Variants in SNTG1 observed in about 807,000 individuals in gnomAD.
The protein encoded by SNTG1 is gamma-1-syntrophin.
SNTG1 carries 39 observed loss-of-function variants against 74.7 expected under a neutral mutation model. The observed-to-expected ratio is 0.52, with a 90% CI of 0.40 to 0.68. The LOEUF is 0.68. SNTG1 is among the 30% of genes least tolerant of loss of function. SNTG1 has a pLI of 0.00. For missense variants in SNTG1, 685 were observed against 609.5 expected, an observed-to-expected ratio of 1.12 and a Z score of -1.30; for synonymous variants, 254 against 217.1, an observed-to-expected ratio of 1.17 and a Z score of -1.49.
At chr8:49,917,491 G>A (rs1300131533) in intron 1 of SNTG1, among the ~76,000 whole-genome samples, 2 of 152,178 alleles carry the variant, frequency 1.3e-5, no homozygotes, top group African/African-American at 4.8e-5. Context: ...GTCCACTGCA[G>A]TGTGTTGCTG....
intron 1 of SNTG1, among the ~76,000 whole-genome samples, chr8:50,155,410 T>C (rs1403124172): frequency 6.6e-6 from 1 of 151,936 alleles, no homozygotes; most frequent in African/African-American, 2.4e-5. Flanking sequence ...AAAAATTAGC[T>C]AAAAGTGTAT....
chr8:50,377,536 A>T lies in SNTG1; in HGVS notation c.-27-16676A>T, dbSNP rs540820868. On this transcript the variant is annotated intron_variant, in intron 2 of 18. Coordinates refer to ENST00000642720, the MANE Select transcript of SNTG1 (RefSeq NM_018967.5). The stretch of plus-strand genomic sequence containing the variant: ...TGGAAATGTATTCATGAATTTTCAG[A>T]ATTTTTTCTCCTCTAAGTGAAGAAT... 2.6e-5 allele frequency among the ~76,000 whole-genome samples: 4 copies of T among 152,088 alleles called. No individual in the cohort carries two copies. In the South Asian group the frequency reaches 8.3e-4, roughly 32 times the overall value.
At chr8:50,475,048 A>G (rs1250829776) in intron 8 of SNTG1, among the ~76,000 whole-genome samples, 1 of 118,280 alleles carries the variant, frequency 8.5e-6, no homozygotes, top group Non-Finnish European at 1.6e-5. Context: ...GGACACAGGA[A>G]GGGGAACATC....
chr8:49,935,271 C>T (rs970317986), intron 1 of SNTG1, among the ~76,000 whole-genome samples: 6 of 148,092 alleles, frequency 4.1e-5, no homozygotes, highest in Non-Finnish European at 7.4e-5. Flanking sequence ...CTGAATGTTC[C>T]GATGACATCT....
At chr8:50,024,506 C>T (rs1388549452) in intron 1 of SNTG1, among the ~76,000 whole-genome samples, 1 of 152,068 alleles carries the variant, frequency 6.6e-6, no homozygotes, top group Non-Finnish European at 1.5e-5. Flanking sequence ...CATTTTCTGT[C>T]CAAAAGCCAG....
chr8:50,422,285 A>G (rs1204458809), intron 4 of SNTG1, among the ~76,000 whole-genome samples: 1 of 146,628 alleles, frequency 6.8e-6, no homozygotes, highest in Non-Finnish European at 1.5e-5. Context: ...CTATCTATCT[A>G]TGTAGATAGG....
chr8:50,347,744 T>C (rs1466677074), intron 2 of SNTG1, among the ~76,000 whole-genome samples: 1 of 152,206 alleles, frequency 6.6e-6, no homozygotes, highest in East Asian at 1.9e-4. Context: ...TCAACTAATA[T>C]TTACTCCTCA....
chr8:50,260,605 CAGAAT>C (rs2087138844), intron 2 of SNTG1, among the ~76,000 whole-genome samples: 2 of 151,114 alleles, frequency 1.3e-5, no homozygotes, highest in South Asian at 4.2e-4. Flanking sequence ...GCATAAGAAC[CAGAAT>C]CAAATATGGG....
chr8:50,601,792 T>G (rs1390479197), intron 13 of SNTG1, among the ~76,000 whole-genome samples: 4 of 152,178 alleles, frequency 2.6e-5, no homozygotes, highest in Non-Finnish European at 5.9e-5. Flanking sequence ...ACTTTCTATA[T>G]CTGGGTGCTT....
chr8:50,026,534 C>T (rs942181546), intron 1 of SNTG1, among the ~76,000 whole-genome samples: 2 of 152,112 alleles, frequency 1.3e-5, no homozygotes, highest in African/African-American at 2.4e-5. Context: ...AAGACTACCA[C>T]ATCACAAATA....
intron 15 of SNTG1, among the ~76,000 whole-genome samples, chr8:50,692,244 C>T (rs1033855045): frequency 1.7e-4 from 26 of 152,296 alleles, no homozygotes; most frequent in Non-Finnish European, 3.5e-4. Flanking sequence ...CTTCTTCTCT[C>T]AACTCGTCAA....
chr8:50,180,074 T>C (rs2131706714), intron 2 of SNTG1, among the ~76,000 whole-genome samples: 1 of 152,348 alleles, frequency 6.6e-6, no homozygotes, highest in African/African-American at 2.4e-5. Context: ...TTATGGTATA[T>C]GTACATAATA....
chr8:50,221,704 T>C lies in SNTG1; in HGVS notation c.-28+49069T>C, dbSNP rs1015841589. 2.6e-5 allele frequency among the ~76,000 whole-genome samples: 4 copies of C among 152,120 alleles called. No homozygotes were observed. The South Asian group carries it at 8.3e-4, about 32-fold the overall frequency. Reference sequence around the variant, plus strand: ...TTTATTGGACACATAATAGTTGCATTTATTTATGGAGTACATAGTCATGTT... The same window carrying C: ...TTTATTGGACACATAATAGTTGCATCTATTTATGGAGTACATAGTCATGTT... On this transcript the variant is annotated intron_variant, in intron 2 of 18. Transcript: ENST00000642720.
chr8:50,323,537 A>T (rs2090613720), intron 2 of SNTG1, among the ~76,000 whole-genome samples: 1 of 152,144 alleles, frequency 6.6e-6, no homozygotes, highest in South Asian at 2.1e-4. Context: ...GATTTTACAG[A>T]CTCATAGAGG....
chr8:49,961,716 C>G (rs994527834), intron 1 of SNTG1, among the ~76,000 whole-genome samples: 1 of 152,188 alleles, frequency 6.6e-6, no homozygotes, highest in African/African-American at 2.4e-5. Context: ...TTGAAAGCAT[C>G]TGCGGAGGCA....
intron 12 of SNTG1, 46 bp from the exon 13 acceptor site, chr8:50,590,833 A>T: frequency 7.8e-7 from 1 of 1,287,746 alleles, no homozygotes; most frequent in East Asian, 2.6e-5. Flanking sequence ...ACCTTGTGTT[A>T]CCATCTATTG....
intron 2 of SNTG1, among the ~76,000 whole-genome samples, chr8:50,327,560 T>C (rs749111012): frequency 6.6e-6 from 1 of 152,140 alleles, no homozygotes; most frequent in Non-Finnish European, 1.5e-5. Flanking sequence ...CATATTTAAG[T>C]GGGTCTATTA....
intron 1 of SNTG1, among the ~76,000 whole-genome samples, chr8:50,119,363 G>A (rs1028164932): frequency 2.8e-5 from 4 of 140,386 alleles, no homozygotes; most frequent in Non-Finnish European, 6.3e-5. Context: ...AGTACCTTCA[G>A]AGGCAACTTG....
intron 2 of SNTG1, among the ~76,000 whole-genome samples, chr8:50,198,483 A>G (rs1003028032): frequency 1.3e-5 from 2 of 152,156 alleles, no homozygotes; most frequent in African/African-American, 4.8e-5. Context: ...GTCCTCAGGC[A>G]GCTACAGAGC....
Sources: gnomAD v4.1 joint callset for allele counts (sites outside exome capture counted in the v4.1 genomes callset) on GRCh38, gnomAD v4.1.1 for gene constraint, MANE v1.5 for transcripts, NCBI Gene and HGNC (gene_info 2026-07-23, HGNC 2026-07-21) for gene names.